PRKCE: variants seen among roughly 807,000 people sequenced by gnomAD.
PRKCE encodes the protein protein kinase C epsilon.
In PRKCE, 16 loss-of-function variants were observed where a neutral mutation model predicts 85.4. The observed-to-expected ratio is 0.19, with a 90% CI of 0.13 to 0.28. The LOEUF is 0.28. PRKCE is among the 10% of genes least tolerant of loss of function. PRKCE has a pLI of 1.00. For missense variants in PRKCE, 573 were observed against 975.2 expected (o/e 0.59, Z 5.49); for synonymous variants, 388 against 371.5 (o/e 1.04, Z -0.51).
chr2:46,118,558 A>G (rs1033009889), intron 11 of PRKCE, among the ~76,000 whole-genome samples: 4 of 152,216 alleles, frequency 2.6e-5, no homozygotes, highest in African/African-American at 9.6e-5. Context: ...TGGACTAACA[A>G]AAGAGAAAAA....
chr2:45,816,771 C>G (rs1295636272), intron 1 of PRKCE, among the ~76,000 whole-genome samples: 1 of 152,162 alleles, frequency 6.6e-6, no homozygotes, highest in Non-Finnish European at 1.5e-5. Context: ...CTTCTCACTG[C>G]CCTGTTACCT....
intron 10 of PRKCE, among the ~76,000 whole-genome samples, chr2:46,062,270 G>C (rs1667216932): frequency 6.6e-6 from 1 of 152,178 alleles, no homozygotes; most frequent in South Asian, 2.1e-4. Context: ...CTCTTTTGTT[G>C]AGGATAGGGT....
chr2:45,850,822 A>G (rs1019688942), intron 2 of PRKCE, among the ~76,000 whole-genome samples: 1 of 152,160 alleles, frequency 6.6e-6, no homozygotes, highest in African/African-American at 2.4e-5. Context: ...GTGTCTCTGA[A>G]TCACCTATTC....
intron 1 of PRKCE, among the ~76,000 whole-genome samples, chr2:45,667,218 C>T (rs998834262): frequency 7.9e-5 from 12 of 151,914 alleles, no homozygotes; most frequent in South Asian, 2.1e-4. Context: ...GGCTGAGGCA[C>T]GAGAATAGCT....
At chr2:45,827,785 T>A (rs1690071500) in intron 1 of PRKCE, among the ~76,000 whole-genome samples, 1 of 152,194 alleles carries the variant, frequency 6.6e-6, no homozygotes, top group African/African-American at 2.4e-5. Context: ...AAAAATTTGA[T>A]TTATACCTTC....
chr2:45,860,811 C>A (rs911931017), intron 2 of PRKCE, among the ~76,000 whole-genome samples: 10 of 152,050 alleles, frequency 6.6e-5, no homozygotes, highest in Non-Finnish European at 1.0e-4. Context: ...CTGCAGCACT[C>A]TCCTGGCACC....
At chr2:45,973,059 T>G (rs1702208927) in intron 2 of PRKCE, among the ~76,000 whole-genome samples, 1 of 152,296 alleles carries the variant, frequency 6.6e-6, no homozygotes, top group East Asian at 1.9e-4. Flanking sequence ...AACAGACATA[T>G]AGACGAGTGG....
At chr2:45,670,441 A>G in intron 1 of PRKCE, among the ~76,000 whole-genome samples, 1 of 152,222 alleles carries the variant, frequency 6.6e-6, no homozygotes, top group East Asian at 1.9e-4. Context: ...AAATTGAACA[A>G]TATACACATT....
At chr2:46,162,846 A>G (rs1215421931) in intron 14 of PRKCE, among the ~76,000 whole-genome samples, 1 of 152,260 alleles carries the variant, frequency 6.6e-6, no homozygotes, top group Non-Finnish European at 1.5e-5. Flanking sequence ...ACATCTAGTT[A>G]GCAGGTTGGA....
chr2:45,700,935 C>T (rs374422243), intron 1 of PRKCE, among the ~76,000 whole-genome samples: 1 of 152,126 alleles, frequency 6.6e-6, no homozygotes, highest in East Asian at 1.9e-4. Context: ...CAGAAGCTGG[C>T]GGAAGCAAGG....
intron 5 of PRKCE, among the ~76,000 whole-genome samples, chr2:45,982,031 C>T (rs761743190): frequency 2.0e-5 from 3 of 152,218 alleles, no homozygotes; most frequent in Non-Finnish European, 4.4e-5. Flanking sequence ...AAGAAGTCTC[C>T]AGTGAAGTGT....
intron 2 of PRKCE, among the ~76,000 whole-genome samples, chr2:45,926,180 C>A (rs1365476860): frequency 1.1e-4 from 17 of 152,226 alleles, no homozygotes; most frequent in Admixed American, 1.0e-3. Flanking sequence ...CGGCCTGCTG[C>A]TCAGCGGCTG....
At chr2:45,849,727 A>G (rs1252092869) in intron 2 of PRKCE, among the ~76,000 whole-genome samples, 1 of 152,122 alleles carries the variant, frequency 6.6e-6, no homozygotes, top group Non-Finnish European at 1.5e-5. Context: ...ACAACAAAAT[A>G]ACAAAATCCA....
intron 6 of PRKCE, among the ~76,000 whole-genome samples, chr2:45,985,201 G>C (rs2104599431): frequency 6.6e-6 from 1 of 152,286 alleles, no homozygotes. Flanking sequence ...CGGAGGCTCA[G>C]AGACTAAGCA....
intron 11 of PRKCE, among the ~76,000 whole-genome samples, chr2:46,124,409 A>T (rs186132543): frequency 6.6e-6 from 1 of 152,262 alleles, no homozygotes; most frequent in East Asian, 1.9e-4. Context: ...GCCTTCCGAG[A>T]TGTAATAAGG....
chr2:45,702,342 C>A (rs1023322435), intron 1 of PRKCE, among the ~76,000 whole-genome samples: 3 of 152,170 alleles, frequency 2.0e-5, no homozygotes, highest in Admixed American at 6.5e-5. Context: ...AGTCCCAGCT[C>A]TTGGGCAAGC....
intron 10 of PRKCE, chr2:46,011,065 C>T: frequency 3.0e-6 from 2 of 662,866 alleles, no homozygotes; most frequent in Non-Finnish European, 4.3e-6. Context: ...AAAGATAATC[C>T]ATAACTCCAT....
At position 45,842,880 on chromosome 2, in the gene PRKCE, T is replaced by C. The variant is rs1691472918; in HGVS notation, c.349-120T>C. ...CACCTAGCACTCAACACATTGTAGG[T>C]TGGTGAATTACATGGAGCTGTGTCT... On this transcript the variant is annotated intron_variant, in intron 1 of 14. Transcript: ENST00000306156. 6.9e-6 allele frequency: 6 copies of C among 867,554 alleles called. No homozygotes were observed. In the South Asian group the frequency reaches 7.3e-5, roughly 11 times the overall value. 53.7% of individuals were successfully genotyped at this position (867,554 alleles called of 1,614,324 possible).
chr2:45,772,169 G>A (rs573807657), intron 1 of PRKCE, among the ~76,000 whole-genome samples: 339 of 152,142 alleles, frequency 2.2e-3, no homozygotes, highest in African/African-American at 7.6e-3. Flanking sequence ...GCCTAATTTT[G>A]TGTTTCTTCT....
Sources: allele counts gnomAD v4.1 joint callset (sites outside exome capture counted in the v4.1 genomes callset), GRCh38; gene constraint gnomAD v4.1.1; transcripts MANE v1.5; gene names NCBI Gene and HGNC (gene_info 2026-07-23, HGNC 2026-07-21).